Variants in ASCC3 observed in about 807,000 individuals in gnomAD.
ASCC3 encodes the protein ASC-1 complex subunit P200.
A neutral mutation model predicts 256.3 loss-of-function variants in ASCC3; 158 were observed. The ratio of observed to expected loss-of-function variants is 0.62; its 90% CI spans 0.54 to 0.70. ASCC3 has a LOEUF of 0.70. Among genes scored for constraint, ASCC3 ranks in the 30% least tolerant of loss-of-function variants. ASCC3 has a pLI of 0.00. For missense variants in ASCC3, 2,259 were observed against 2,626.0 expected, an observed-to-expected ratio of 0.86 and a Z score of 3.05; for synonymous variants, 948 against 883.4, an observed-to-expected ratio of 1.07 and a Z score of -1.30.
intron 24 of ASCC3, among the ~76,000 whole-genome samples, chr6:100,639,277 A>T (rs760644040): frequency 1.3e-5 from 2 of 152,256 alleles, no homozygotes; most frequent in African/African-American, 2.4e-5. Flanking sequence ...AATGGAAAGT[A>T]AAATGAATTT....
chr6:100,706,543 T>A (rs12199888), intron 13 of ASCC3, among the ~76,000 whole-genome samples: 62,174 of 151,406 alleles, frequency 0.41, 13,270 homozygotes, highest in South Asian at 0.6. Flanking sequence ...TGTGATGGAA[T>A]AAATCAAGGG....
rs1459889611 is a variant in ASCC3 at position 100,687,034 on chromosome 6, T to TCTCA, written c.2152-7283_2152-7282insTGAG. 1.1e-4 allele frequency among the ~76,000 whole-genome samples: 15 copies of TCTCA among 130,674 alleles called. No homozygotes were observed. In the South Asian group the frequency reaches 1.4e-3, roughly 12 times the overall value. 85.7% of individuals were successfully genotyped at this position (130,674 alleles called of 152,430 possible). ...AAATCTCTCTCTCTCTCTCTCTCTCTCACACACACACACACACACACACAC... is the reference window on the plus strand; with the variant it reads ...AAATCTCTCTCTCTCTCTCTCTCTCTCTCACACACACACACACACACACACACAC... On this transcript the variant is annotated intron_variant, in intron 13 of 41. Transcript: ENST00000369162.
At chr6:100,647,179 T>G (rs747577529) in intron 21 of ASCC3, 47 bp downstream of exon 21, 2 of 1,502,058 alleles carry the variant, frequency 1.3e-6, no homozygotes. Flanking sequence ...GCAACATATT[T>G]TATTTGCACA....
intron 4 of ASCC3, among the ~76,000 whole-genome samples, chr6:100,846,840 G>A (rs920551177): frequency 7.2e-5 from 11 of 152,056 alleles, no homozygotes; most frequent in Non-Finnish European, 1.6e-4. Flanking sequence ...TTCTTTGCAT[G>A]TAGTATTATA....
At chr6:100,688,305 T>C (rs1777680888) in intron 13 of ASCC3, among the ~76,000 whole-genome samples, 1 of 152,006 alleles carries the variant, frequency 6.6e-6, no homozygotes, top group Non-Finnish European at 1.5e-5. Context: ...TTGATTCTTT[T>C]ATTAAAAATG....
Position 100,767,339 on chromosome 6 carries a change from G to A in ASCC3, c.1402C>T (p.Gln468Ter), listed in dbSNP as rs1562282467. 2 of 1,488,910 alleles carry A rather than the reference G, an allele frequency of 1.3e-6. No homozygotes were observed. Among genetic ancestry groups the A allele is most frequent in the Non-Finnish European group, 1.8e-6 (2 of 1,122,958 alleles). 92.2% of individuals were successfully genotyped at this position (1,488,910 alleles called of 1,614,324 possible). A position where few individuals can be genotyped will look rare whatever the true frequency, so the allele number is the denominator to read the frequency against. Residue 468 changes from glutamine to a stop codon, truncating the protein, a stop_gained, in exon 9 of 42, where the codon CAG becomes TAG. Transcript: ENST00000369162. LOFTEE classifies it high-confidence loss of function. ...VYIQDLDEIG[Q>*]LAFKGMKRLN... is the part of the protein sequence containing the mutation. The stretch of plus-strand genomic sequence containing the variant: ...CTCTTCATTCCTTTAAAAGCCAGCT[G>A]TCCGATCTAAAAAAAAAAGGCATCA...
intron 1 of ASCC3, among the ~76,000 whole-genome samples, chr6:100,874,653 T>C (rs2114571309): frequency 6.6e-6 from 1 of 152,178 alleles, no homozygotes; most frequent in East Asian, 1.9e-4. Context: ...GCTCTAGAGA[T>C]TAAAAAAAGA....
chr6:100,787,959 A>G (rs572689800), intron 8 of ASCC3, among the ~76,000 whole-genome samples: 5 of 151,288 alleles, frequency 3.3e-5, no homozygotes, highest in African/African-American at 1.2e-4. Context: ...AGCATAATCG[A>G]GTTTTTTTTT....
chr6:100,512,958 A>G lies in ASCC3; in HGVS notation c.6076-40T>C. On this transcript the variant is annotated intron_variant, in intron 39 of 41. Transcript: ENST00000369162. Reference sequence around the variant, plus strand: ...AAAAGAAACAATAAAGGAGGAGTTTATGTGAAATGCAATGATCAATTAAGA... The same window carrying G: ...AAAAGAAACAATAAAGGAGGAGTTTGTGTGAAATGCAATGATCAATTAAGA... 4 of 1,551,932 alleles carry G rather than the reference A, an allele frequency of 2.6e-6. No homozygotes were observed. In the East Asian group the frequency reaches 9.0e-5, roughly 35 times the overall value.
intron 10 of ASCC3, among the ~76,000 whole-genome samples, chr6:100,749,252 A>C (rs1780829612): frequency 6.6e-6 from 1 of 151,748 alleles, no homozygotes; most frequent in Non-Finnish European, 1.5e-5. Context: ...TATATCTAAG[A>C]TAGGAATACT....
chr6:100,587,401 T>C (rs1055333950), intron 36 of ASCC3, among the ~76,000 whole-genome samples: 1 of 152,222 alleles, frequency 6.6e-6, no homozygotes, highest in African/African-American at 2.4e-5. Context: ...AGCATTTTGC[T>C]GGTAGCTACA....
intron 3 of ASCC3, among the ~76,000 whole-genome samples, chr6:100,848,945 A>T (rs1049514211): frequency 6.6e-6 from 1 of 152,022 alleles, no homozygotes; most frequent in Non-Finnish European, 1.5e-5. Flanking sequence ...TCTCTACAAA[A>T]ATTTTTAAAA....
intron 8 of ASCC3, among the ~76,000 whole-genome samples, chr6:100,781,581 G>C (rs576564206): frequency 6.7e-6 from 1 of 149,642 alleles, no homozygotes; most frequent in African/African-American, 2.5e-5. Flanking sequence ...GTAGAGACAC[G>C]GTTTCACCAT....
At chr6:100,527,381 C>T (rs1774629406) in intron 37 of ASCC3, among the ~76,000 whole-genome samples, 1 of 152,178 alleles carries the variant, frequency 6.6e-6, no homozygotes, top group Non-Finnish European at 1.5e-5. Context: ...AAGACTTTAT[C>T]TACCATTTGC....
chr6:100,802,945 C>A (rs1769993609), intron 5 of ASCC3, among the ~76,000 whole-genome samples: 1 of 151,998 alleles, frequency 6.6e-6, no homozygotes, highest in African/African-American at 2.4e-5. Flanking sequence ...AAAGTTGAGG[C>A]TGCAGTGATC....
intron 4 of ASCC3, among the ~76,000 whole-genome samples, chr6:100,807,525 T>A (rs889467381): frequency 1.9e-4 from 29 of 151,964 alleles, no homozygotes; most frequent in Admixed American, 1.8e-3. Context: ...ACTTAGCTAT[T>A]ATTTGCCTTT....
chr6:100,874,911 ACTTTTAAAACCC>A, intron 1 of ASCC3, among the ~76,000 whole-genome samples: 1 of 152,352 alleles, frequency 6.6e-6, no homozygotes, highest in Middle Eastern at 3.4e-3. Flanking sequence ...AGACTTAATT[ACTTTTAAAACCC>A]CTACAGAATG....
chr6:100,579,051 G>T (rs1771041066), intron 36 of ASCC3, among the ~76,000 whole-genome samples: 2 of 151,942 alleles, frequency 1.3e-5, no homozygotes, highest in South Asian at 4.1e-4. Flanking sequence ...TCTCACTGTG[G>T]TTTTGGTTTG....
At chr6:100,628,091 CAAA>C in intron 27 of ASCC3, 104 bp from the exon 28 acceptor site, 1 of 843,710 alleles carries the variant, frequency 1.2e-6, no homozygotes, top group Non-Finnish European at 1.7e-6. Flanking sequence ...AAAACAAAAA[CAAA>C]AAAAAAAACA....
Sources: gnomAD v4.1 joint callset for allele counts (sites outside exome capture counted in the v4.1 genomes callset) on GRCh38, gnomAD v4.1.1 for gene constraint, MANE v1.5 for transcripts, NCBI Gene and HGNC (gene_info 2026-07-23, HGNC 2026-07-21) for gene names.